Variants in UNC79 observed in about 807,000 individuals in gnomAD.
UNC79 encodes unc-79 subunit of NALCN channel complex, also known as protein unc-79 homolog.
A neutral mutation model predicts 283.1 loss-of-function variants in UNC79; 37 were observed. The ratio of observed to expected loss-of-function variants is 0.13; its 90% CI spans 0.10 to 0.17. UNC79 has a LOEUF of 0.17. UNC79 is among the 10% of genes least tolerant of loss of function. The pLI is 1.00. For missense variants in UNC79, 2,272 were observed against 3,211.1 expected, an observed-to-expected ratio of 0.71 and a Z score of 7.07; for synonymous variants, 1,107 against 1,200.2, an observed-to-expected ratio of 0.92 and a Z score of 1.61.
At chr14:93,449,139 A>C (rs1397024914) in intron 1 of UNC79, among the ~76,000 whole-genome samples, 1 of 152,026 alleles carries the variant, frequency 6.6e-6, no homozygotes, top group Non-Finnish European at 1.5e-5. Flanking sequence ...TTTGTCTCCT[A>C]ATTTTGTTGT....
intron 1 of UNC79, among the ~76,000 whole-genome samples, chr14:93,452,981 C>A (rs1307119854): frequency 6.6e-6 from 1 of 152,156 alleles, no homozygotes; most frequent in Non-Finnish European, 1.5e-5. Flanking sequence ...AATTATTCTT[C>A]TGAATTCTGT....
Position 93,626,183 on chromosome 14 carries a change from A to G in UNC79, c.5608+3342A>G, listed in dbSNP as rs182193602. On this transcript the variant is annotated intron_variant, in intron 30 of 48. Coordinates refer to ENST00000555664, the Ensembl canonical transcript of UNC79. The stretch of plus-strand genomic sequence containing the variant: ...ATTCACATTTCCAGTCTCCTAAATG[A>G]CTATTTCATAGCTACTTTTCTCCCC... 1.6e-3 allele frequency among the ~76,000 whole-genome samples: 243 copies of G among 152,328 alleles called. 2 individuals are homozygous for G. The highest frequency in any genetic ancestry group is 5.6e-3 in the African/African-American group (234 of 41,574).
At chr14:93,687,727 G>A (rs904947358) in intron 43 of UNC79, among the ~76,000 whole-genome samples, 7 of 152,064 alleles carry the variant, frequency 4.6e-5, no homozygotes, top group Non-Finnish European at 1.0e-4. Flanking sequence ...CCTGTCGTTC[G>A]CTCCTGTGCC....
At chr14:93,618,514 A>G (rs985735630) in intron 29 of UNC79, among the ~76,000 whole-genome samples, 160 bp downstream of exon 30, 1 of 152,212 alleles carries the variant, frequency 6.6e-6, no homozygotes, top group South Asian at 2.1e-4. Context: ...TTGCTGCTTT[A>G]ACTTTGAAAT....
chr14:93,657,801 G>C (rs1471413115), intron 38 of UNC79, among the ~76,000 whole-genome samples: 3 of 152,286 alleles, frequency 2.0e-5, no homozygotes, highest in Admixed American at 2.0e-4. Flanking sequence ...TGCCTACAGG[G>C]TTAATAAAGG....
Position 93,531,695 on chromosome 14 carries a change from T to C in UNC79, c.1094-855T>C, listed in dbSNP as rs1215609541. Among the ~76,000 whole-genome samples, 1 of 152,238 alleles carries C rather than the reference T, an allele frequency of 6.6e-6. No individual in the cohort carries two copies. Among genetic ancestry groups the C allele is most frequent in the Non-Finnish European group, 1.5e-5 (1 of 68,036 alleles). On this transcript the variant is annotated intron_variant, in intron 10 of 48. Coordinates refer to ENST00000555664, the Ensembl canonical transcript of UNC79. The surrounding 1 kb of genome is among the most constrained non-coding windows in gnomAD (Gnocchi z 4.2). The stretch of plus-strand genomic sequence containing the variant: ...AAGTTAGTAATTTTGTCTACAGTTT[T>C]GATATTGCAAATAATCCGATGGTGA...
At chr14:93,577,671 T>TG (rs1166920053) in intron 17 of UNC79, among the ~76,000 whole-genome samples, 171 bp from the exon 18 acceptor site, 2 of 152,176 alleles carry the variant, frequency 1.3e-5, no homozygotes, top group Non-Finnish European at 2.9e-5. Flanking sequence ...TTTTATTTCT[T>TG]GTTTTTATAT....
intron 1 of UNC79, among the ~76,000 whole-genome samples, chr14:93,359,313 C>G (rs2054171661): frequency 6.6e-6 from 1 of 152,076 alleles, no homozygotes; most frequent in South Asian, 2.1e-4. Flanking sequence ...CCTACTCATC[C>G]CAGCTGGGAG....
chr14:93,637,212 A>G lies in UNC79; in HGVS notation c.5717-4A>G, dbSNP rs1401740706. The G allele has an allele frequency of 8.8e-7, 1 of 1,139,766 alleles. No individual in the cohort carries two copies. Among genetic ancestry groups the G allele is most frequent in the Non-Finnish European group, 1.3e-6 (1 of 746,840 alleles). The allele number at this position is 1,139,766 out of a possible 1,614,324, so 70.6% of individuals were successfully genotyped here. A position where few individuals can be genotyped will look rare whatever the true frequency, so the allele number is the denominator to read the frequency against. ...AAAGACTGAAACCCTCTATTTATCC[A>G]CAGAACAGATACAGCCTGGGAAACG... On this transcript the variant is annotated splice_region_variant and splice_polypyrimidine_tract_variant and intron_variant, in intron 31 of 48. Coordinates refer to ENST00000555664, the Ensembl canonical transcript of UNC79.
intron 4 of UNC79, among the ~76,000 whole-genome samples, chr14:93,483,520 CTT>C (rs10712787): frequency 4.7e-4 from 66 of 140,476 alleles, no homozygotes; most frequent in East Asian, 1.8e-3. Context: ...ACCTGTCTGT[CTT>C]TTTTTTTTTT....
chr14:93,408,749 T>C (rs1486672936), intron 1 of UNC79, among the ~76,000 whole-genome samples: 2 of 152,178 alleles, frequency 1.3e-5, no homozygotes, highest in Non-Finnish European at 2.9e-5. Context: ...GTTCATCAAT[T>C]ATAACAAATG....
At chr14:93,533,085 A>G (rs1466267017) in intron 11 of UNC79, among the ~76,000 whole-genome samples, 1 of 152,100 alleles carries the variant, frequency 6.6e-6, no homozygotes, top group Non-Finnish European at 1.5e-5. Flanking sequence ...TTTTTTAATA[A>G]TAGTTTCTCT....
intron 18 of UNC79, 96 bp downstream of exon 18, chr14:93,578,159 AT>A (rs2063576025): frequency 8.5e-7 from 1 of 1,177,210 alleles, no homozygotes; most frequent in African/African-American, 1.5e-5. Flanking sequence ...CTCCACACTT[AT>A]CAAAATGATT....
At chr14:93,476,026 C>G (rs1566970399) in intron 3 of UNC79, among the ~76,000 whole-genome samples, 1 of 152,164 alleles carries the variant, frequency 6.6e-6, no homozygotes, top group Non-Finnish European at 1.5e-5. Context: ...GAAGCATGGT[C>G]TGAAAAACAT....
At chr14:93,404,513 T>TATATATATATATATATATATATATA (rs1229909876) in intron 1 of UNC79, among the ~76,000 whole-genome samples, 1 of 113,294 alleles carries the variant, frequency 8.8e-6, no homozygotes, top group East Asian at 2.2e-4. Flanking sequence ...TATATATATA[T>TATATATATATATATATATATATATA]AAATATATAC....
chr14:93,410,444 TG>T (rs2055312037), intron 1 of UNC79, among the ~76,000 whole-genome samples: 1 of 152,080 alleles, frequency 6.6e-6, no homozygotes, highest in Non-Finnish European at 1.5e-5. Context: ...CCAGTGGACT[TG>T]GGGGACATGC....
chr14:93,339,567 G>A (rs1341023765), intron 1 of UNC79, among the ~76,000 whole-genome samples: 2 of 152,192 alleles, frequency 1.3e-5, no homozygotes, highest in Non-Finnish European at 2.9e-5. Context: ...CCAAAGTGCT[G>A]GGATTACAGG....
chr14:93,495,890 A>G (rs1217326978), intron 5 of UNC79, among the ~76,000 whole-genome samples: 1 of 152,192 alleles, frequency 6.6e-6, no homozygotes, highest in African/African-American at 2.4e-5. Context: ...ATAAGATGGA[A>G]CTGATGATGA....
chr14:93,677,086 G>GA (rs971498189), intron 41 of UNC79, among the ~76,000 whole-genome samples: 3 of 150,888 alleles, frequency 2.0e-5, no homozygotes, highest in African/African-American at 4.9e-5. Flanking sequence ...AGCACCAAGG[G>GA]AAAAAAAAAT....
Sources: allele counts gnomAD v4.1 joint callset (sites outside exome capture counted in the v4.1 genomes callset), GRCh38; gene constraint gnomAD v4.1.1; non-coding constraint Gnocchi (gnomAD v3.1); transcripts MANE v1.5; gene names NCBI Gene and HGNC (gene_info 2026-07-23, HGNC 2026-07-21).